Variants in EPHB1 observed in about 807,000 individuals in gnomAD.
The protein encoded by EPHB1 is ephrin type-B receptor 1.
In EPHB1, 30 loss-of-function variants were observed where a neutral mutation model predicts 94.4. The ratio of observed to expected loss-of-function variants is 0.32; its 90% CI spans 0.24 to 0.43. The LOEUF (loss-of-function observed/expected upper bound fraction) is 0.43, where lower values mean the gene tolerates loss of function less well. EPHB1 is among the 20% of genes least tolerant of loss of function. The pLI is 1.00. For missense variants in EPHB1, 1,055 were observed against 1,308.3 expected (o/e 0.81, Z 2.99); for synonymous variants, 522 against 489.1 (o/e 1.07, Z -0.89).
intron 3 of EPHB1, among the ~76,000 whole-genome samples, chr3:135,084,643 T>A (rs1012806557): frequency 3.3e-5 from 5 of 152,220 alleles, no homozygotes; most frequent in African/African-American, 1.2e-4. Flanking sequence ...ACTCATTTGC[T>A]GCAGAGCTGG....
chr3:135,029,459 A>G (rs1936331482), intron 3 of EPHB1, among the ~76,000 whole-genome samples: 1 of 147,388 alleles, frequency 6.8e-6, no homozygotes, highest in African/African-American at 2.5e-5. Flanking sequence ...TCTATAAAGT[A>G]TTTTATTTCT....
chr3:134,888,533 C>A (rs1351249250), intron 1 of EPHB1, among the ~76,000 whole-genome samples: 4 of 152,010 alleles, frequency 2.6e-5, no homozygotes, highest in Admixed American at 2.6e-4. Flanking sequence ...CATAGTGAAA[C>A]CTCAACTCTA....
intron 4 of EPHB1, among the ~76,000 whole-genome samples, chr3:135,113,466 C>T (rs1042924078): frequency 1.3e-5 from 2 of 152,216 alleles, no homozygotes. Context: ...TGTTGACACT[C>T]TGAGCACTGC....
At chr3:135,010,015 T>C (rs1488361224) in intron 3 of EPHB1, among the ~76,000 whole-genome samples, 1 of 152,220 alleles carries the variant, frequency 6.6e-6, no homozygotes, top group Non-Finnish European at 1.5e-5. Flanking sequence ...ATCCCTCTGA[T>C]AGAATGATAG....
At chr3:135,042,525 C>T (rs541067000) in intron 3 of EPHB1, among the ~76,000 whole-genome samples, 71 of 152,286 alleles carry the variant, frequency 4.7e-4, no homozygotes, top group African/African-American at 1.7e-3. Context: ...TCCAGCTCAA[C>T]TGAGTGTCCT....
chr3:134,810,010 G>A (rs1027451393), intron 1 of EPHB1, among the ~76,000 whole-genome samples: 9 of 152,202 alleles, frequency 5.9e-5, no homozygotes, highest in Non-Finnish European at 1.0e-4. Flanking sequence ...GGGCACTGCT[G>A]CTTCCTAGTC....
chr3:135,054,371 T>TTA (rs984826302), intron 3 of EPHB1, among the ~76,000 whole-genome samples: 99 of 151,732 alleles, frequency 6.5e-4, no homozygotes, highest in Non-Finnish European at 1.0e-3. Flanking sequence ...AGCCAATTCT[T>TTA]TATATATATA....
rs1056469885 is a variant in EPHB1 at position 135,040,254 on chromosome 3, C to T, written c.806-66194C>T. 2.6e-5 allele frequency among the ~76,000 whole-genome samples: 4 copies of T among 152,128 alleles called. 1 individual carries two copies. The highest frequency in any genetic ancestry group is 1.3e-4 in the Admixed American group (2 of 15,280). On this transcript the variant is annotated intron_variant, in intron 3 of 15. Coordinates refer to ENST00000398015, the MANE Select transcript of EPHB1 (RefSeq NM_004441.5). ...AATAATACTTTCCTTTCAGGAGATT[C>T]GAGATACATACACTATAATGTGGTA...
Position 135,127,515 on chromosome 3 carries a change from G to A in EPHB1, c.962-5199G>A, listed in dbSNP as rs576172013. Among the ~76,000 whole-genome samples, 8 of 152,216 alleles carry A rather than the reference G, an allele frequency of 5.3e-5. No homozygotes were observed. In the East Asian group the frequency reaches 5.8e-4, roughly 11 times the overall value. On this transcript the variant is annotated intron_variant, in intron 4 of 15. Coordinates refer to ENST00000398015, the MANE Select transcript of EPHB1 (RefSeq NM_004441.5). The stretch of plus-strand genomic sequence containing the variant: ...CAGCAATGCACAATGAGCTAGACCC[G>A]ACCTGCTTGGCACCTTGTACCAGCC...
chr3:135,173,468 T>C (rs1404524361), intron 9 of EPHB1, among the ~76,000 whole-genome samples: 2 of 152,110 alleles, frequency 1.3e-5, no homozygotes, highest in East Asian at 3.9e-4. Flanking sequence ...GTCAGGAAGG[T>C]CCTCCTCCCA....
intron 11 of EPHB1, among the ~76,000 whole-genome samples, chr3:135,197,949 A>G (rs186063974): frequency 6.6e-6 from 1 of 152,244 alleles, no homozygotes; most frequent in East Asian, 1.9e-4. Flanking sequence ...ATATGTTTTT[A>G]TCTTTAAATT....
intron 3 of EPHB1, among the ~76,000 whole-genome samples, chr3:135,053,365 G>T (rs1235101994): frequency 6.6e-6 from 1 of 151,900 alleles, no homozygotes; most frequent in Non-Finnish European, 1.5e-5. Flanking sequence ...AAACAGTTTG[G>T]CAGTTACTCA....
chr3:135,214,938 G>T (rs987086175), intron 12 of EPHB1, among the ~76,000 whole-genome samples: 2 of 152,174 alleles, frequency 1.3e-5, no homozygotes, highest in African/African-American at 4.8e-5. Flanking sequence ...ATCACACTAT[G>T]CTTTATGAAC....
intron 1 of EPHB1, among the ~76,000 whole-genome samples, chr3:134,889,414 G>A (rs2037922515): frequency 6.6e-6 from 1 of 152,160 alleles, no homozygotes; most frequent in African/African-American, 2.4e-5. Flanking sequence ...CCACCTTATG[G>A]TAAGGGAGAC....
chr3:134,999,004 C>T (rs753848122), intron 3 of EPHB1, among the ~76,000 whole-genome samples: 8 of 152,154 alleles, frequency 5.3e-5, no homozygotes, highest in Admixed American at 2.0e-4. Context: ...AAGCACAAGG[C>T]TGCACAGGCT....
intron 3 of EPHB1, among the ~76,000 whole-genome samples, chr3:134,983,498 G>C (rs1419834544): frequency 1.3e-5 from 2 of 152,232 alleles, no homozygotes; most frequent in African/African-American, 4.8e-5. Context: ...CCGCTGGCCA[G>C]AGGATCTCCT....
chr3:135,105,208 C>T (rs747704812), intron 3 of EPHB1, among the ~76,000 whole-genome samples: 13 of 152,206 alleles, frequency 8.5e-5, no homozygotes, highest in Non-Finnish European at 1.3e-4. Flanking sequence ...TATAATGGCA[C>T]TTCAATTATA....
intron 4 of EPHB1, 42 bp from the exon 5 acceptor site, chr3:135,132,672 G>A (rs2107687052): frequency 1.3e-6 from 2 of 1,507,474 alleles, no homozygotes; most frequent in East Asian, 4.6e-5. Context: ...GGACAAGGAA[G>A]CTTATGTCTA....
intron 3 of EPHB1, among the ~76,000 whole-genome samples, chr3:135,053,239 C>A (rs1350635592): frequency 3.3e-5 from 5 of 151,254 alleles, no homozygotes; most frequent in East Asian, 1.9e-4. Flanking sequence ...GTGATGGATA[C>A]CCCCAAATAT....
Sources: allele counts gnomAD v4.1 joint callset (sites outside exome capture counted in the v4.1 genomes callset), GRCh38; gene constraint gnomAD v4.1.1; transcripts MANE v1.5; gene names NCBI Gene and HGNC (gene_info 2026-07-23, HGNC 2026-07-21).